The following SMIM22 variants were observed in gnomAD, a reference collection of about 807,000 sequenced individuals.
The protein encoded by SMIM22 is cancer associated small integral membrane open reading frame 1.
Under a neutral mutation model 8.4 loss-of-function variants are expected in SMIM22, and 16 were observed. The observed-to-expected ratio is 1.90, with a 90% CI of 1.29 to 2.89. The LOEUF (loss-of-function observed/expected upper bound fraction) is 2.89, where lower values mean the gene tolerates loss of function less well. SMIM22 is among the 30% of genes most tolerant of loss of function. The pLI is 0.00. For missense variants in SMIM22, 159 were observed against 107.5 expected, an observed-to-expected ratio of 1.48 and a Z score of -2.12; for synonymous variants, 67 against 47.6, an observed-to-expected ratio of 1.41 and a Z score of -1.68.
At chr16:4,791,838 C>A (rs949566608), upstream of SMIM22, among the ~76,000 whole-genome samples, 1 of 152,092 alleles carries the variant, frequency 6.6e-6, no homozygotes, top group Non-Finnish European at 1.5e-5. Context: ...CTGGCACCAA[C>A]CACCACGCCC....
upstream of SMIM22, among the ~76,000 whole-genome samples, chr16:4,794,132 G>C (rs1046901061): frequency 1.3e-5 from 2 of 149,408 alleles, no homozygotes; most frequent in Admixed American, 6.7e-5. Context: ...TTTTGAGATG[G>C]AGTCTTGCTC....
intron 2 of SMIM22, chr16:4,790,143 G>A (rs924237654): frequency 6.6e-6 from 1 of 151,996 alleles, no homozygotes; most frequent in Admixed American, 6.6e-5. Flanking sequence ...TGAACTCCTG[G>A]GGTCAAGGGG....
In SMIM22 at chr16:4,795,702, G is replaced by T; in HGVS notation, c.-20-13G>T. The T allele has an allele frequency of 6.5e-7, 1 of 1,533,180 alleles. No homozygotes were observed. The highest frequency in any genetic ancestry group is 2.4e-5 in the East Asian group (1 of 40,914). 95.0% of individuals were successfully genotyped at this position (1,533,180 alleles called of 1,614,324 possible). ...CCCAGGATCCTGATGCAGCCTCTGG[G>T]GGACCGGGGCAGGTGGCACGGTGCA... On this transcript the variant is annotated splice_polypyrimidine_tract_variant and intron_variant, in intron 1 of 3. Coordinates refer to ENST00000586005, the MANE Select transcript of SMIM22 (RefSeq NM_001253794.2).
intron 2 of SMIM22, chr16:4,789,999 C>T (rs894620753): frequency 1.3e-5 from 2 of 151,642 alleles, no homozygotes; most frequent in Non-Finnish European, 2.9e-5. Context: ...ACTGCAGCCT[C>T]GACTTCCTGG....
chr16:4,791,045 T>C (rs1410157127), upstream of SMIM22, among the ~76,000 whole-genome samples: 1 of 152,204 alleles, frequency 6.6e-6, no homozygotes, highest in African/African-American at 2.4e-5. Context: ...ACGTGTGGAC[T>C]GCGTTTGAGC....
chr16:4,789,738 C>A (rs188692664), intron 2 of SMIM22, among the ~76,000 whole-genome samples: 2 of 151,882 alleles, frequency 1.3e-5, no homozygotes, highest in Non-Finnish European at 2.9e-5. Context: ...AGATTACAGA[C>A]GTGAACCACC....
intron 3 of SMIM22, 39 bp downstream of exon 3, chr16:4,796,087 A>G (rs888793956): frequency 3.3e-6 from 5 of 1,535,264 alleles, no homozygotes; most frequent in African/African-American, 1.4e-5. Flanking sequence ...ACGGAACTGT[A>G]CTGGGGGTGG....
upstream of SMIM22, among the ~76,000 whole-genome samples, chr16:4,793,039 G>A (rs2082576464): frequency 6.6e-6 from 1 of 151,264 alleles, no homozygotes; most frequent in Non-Finnish European, 1.5e-5. Flanking sequence ...AACCCGGGAG[G>A]CGGAGATTGC....
chr16:4,796,229 T>C lies in SMIM22; in HGVS notation c.265T>C (p.Ter89ArgextTer31), dbSNP rs1235476157. The C allele has an allele frequency of 5.2e-6, 8 of 1,535,830 alleles. No individual in the cohort carries two copies. The highest frequency in any genetic ancestry group is 1.4e-5 in the African/African-American group (1 of 73,142). ...KGVDNLALEP[*>R] Reference sequence around the variant, plus strand: ...AGTGGATAACTTGGCCCTGGAACCCTGACCCTGTGTCTCCTGCCCGGTGGC... The same window carrying C: ...AGTGGATAACTTGGCCCTGGAACCCCGACCCTGTGTCTCCTGCCCGGTGGC... Residue 89 changes from the stop codon to arginine, a stop_lost, in exon 4 of 4, where the codon TGA (stop) becomes CGA (arginine). Transcript: ENST00000586005.
chr16:4,790,968 C>CGGG (rs1173190922), upstream of SMIM22, among the ~76,000 whole-genome samples: 3 of 152,188 alleles, frequency 2.0e-5, no homozygotes, highest in East Asian at 5.8e-4. Flanking sequence ...GGATTCAGCA[C>CGGG]GGGGGCCTCT....
upstream of SMIM22, among the ~76,000 whole-genome samples, chr16:4,791,157 T>C (rs1440248381): frequency 6.6e-6 from 1 of 152,194 alleles, no homozygotes; most frequent in South Asian, 2.1e-4. Context: ...GGTCTAATTC[T>C]GAAAATCGTG....
Position 4,795,875 on chromosome 16 carries a change from C to T in SMIM22, c.124+17C>T. ...CCTTCATGGGTAAGTGTGGCTGTGG[C>T]CTCTGGGTCCTCCCAGCCCCCTGCC... On this transcript the variant is annotated intron_variant, in intron 2 of 3. Transcript: ENST00000586005. The T allele has an allele frequency of 6.5e-7, 1 of 1,535,124 alleles. No homozygotes were observed. The highest frequency in any genetic ancestry group is 1.2e-5 in the South Asian group (1 of 83,956).
intron 2 of SMIM22, chr16:4,790,089 C>T (rs1229130892): frequency 6.6e-6 from 1 of 151,642 alleles, no homozygotes; most frequent in Non-Finnish European, 1.5e-5. Context: ...AATTTTTTTA[C>T]TTTTTGTAGA....
intron 2 of SMIM22, chr16:4,790,012 T>C (rs1398897672): frequency 6.6e-6 from 1 of 151,940 alleles, no homozygotes; most frequent in Admixed American, 6.6e-5. Context: ...CTTCCTGGGT[T>C]CAAGTGATCC....
upstream of SMIM22, among the ~76,000 whole-genome samples, chr16:4,791,500 C>A (rs1325720892): frequency 1.3e-5 from 2 of 152,118 alleles, no homozygotes; most frequent in African/African-American, 4.8e-5. Context: ...TATTAACATA[C>A]CCATTTTACA....
At chr16:4,795,347 CG>C (rs1246871294), upstream of SMIM22, 1 of 221,340 alleles carries the variant, frequency 4.5e-6, no homozygotes, top group Non-Finnish European at 9.0e-6. Context: ...CTGGGGAGGG[CG>C]GGGCTGGTTG....
At chr16:4,789,080 G>A (rs762762206) in intron 2 of SMIM22, among the ~76,000 whole-genome samples, 6 of 152,134 alleles carry the variant, frequency 3.9e-5, no homozygotes, top group South Asian at 4.1e-4. Flanking sequence ...ATGCAGTGGC[G>A]CGATCTCGGC....
At position 4,796,000 on chromosome 16, in the gene SMIM22, C is replaced by G. The variant is rs1260534663; in HGVS notation, c.177C>G (p.Ser59Arg). Residue 59 changes from serine (S) to arginine (R), a missense_variant, in exon 3 of 4, where the codon AGC (serine) becomes AGG (arginine). By Grantham distance (110) the Ser-to-Arg change is moderately radical. Transcript: ENST00000586005. ...LLVVAHCCCC[S>R]SPGPRRESPR... The stretch of plus-strand genomic sequence containing the variant: ...TCGTCGCCCACTGCTGCTGCTGCAG[C>G]TCCCCCGGGCCCCGCAGGGAAAGCC... 90 of 1,508,428 alleles carry G rather than the reference C, an allele frequency of 6.0e-5. No homozygotes were observed. Among genetic ancestry groups the G allele is most frequent in the Non-Finnish European group, 7.4e-5 (84 of 1,133,416 alleles). 93.4% of individuals were successfully genotyped at this position (1,508,428 alleles called of 1,614,324 possible).
rs537079204 is a variant in SMIM22, at chr16:4,789,804, T to C, written c.-146+1033T>C. The C allele has an allele frequency of 5.3e-5, 8 of 152,328 alleles. No homozygotes were observed. The East Asian group carries it at 1.3e-3, about 26-fold the overall frequency. 9.4% of individuals were successfully genotyped at this position (152,328 alleles called of 1,614,324 possible). ...CAAGTCCATCTCACACAGTTAATTC[T>C]TTCTTGTTTCCTGGTACTTGACTTC... On this transcript the variant is annotated intron_variant, in intron 2 of 5. Transcript: ENST00000589327.
Sources: gnomAD v4.1 joint callset for allele counts (sites outside exome capture counted in the v4.1 genomes callset) on GRCh38, gnomAD v4.1.1 for gene constraint, MANE v1.5 for transcripts, NCBI Gene and HGNC (gene_info 2026-07-23, HGNC 2026-07-21) for gene names.